Variants in RABL6 observed in about 807,000 individuals in gnomAD.
RABL6 encodes the protein RAB, member RAS oncogene family like 6, also known as rab-like protein 6.
RABL6 carries 28 observed loss-of-function variants against 72.9 expected under a neutral mutation model. The observed-to-expected ratio is 0.38, with a 90% CI of 0.28 to 0.53. RABL6 has a LOEUF of 0.53. Ranked by LOEUF, RABL6 falls within the 20% of genes least tolerant of loss-of-function variation. RABL6 has a pLI of 0.80. For synonymous variants in RABL6, 477 were observed against 421.2 expected (o/e 1.13, Z -1.62); for missense variants, 1,029 against 1,008.4 (o/e 1.02, Z -0.28).
Position 136,808,275 on chromosome 9 carries a change from T to A in RABL6, c.79T>A (p.Ser27Thr), listed in dbSNP as rs762677097. ...CAAGAACATCCCCGCCGGGCTGCAG[T>A]CCATGAACCAGGCGTTGCAGAGGCG... ...RDKNIPAGLQ[S>T]MNQALQRRFA... The change falls in exon 1 of 15, where the codon TCC becomes ACC. Residue 27 changes from serine to threonine, a missense_variant. Coordinates refer to ENST00000311502, the MANE Select transcript of RABL6 (RefSeq NM_024718.5). The A allele has an allele frequency of 1.3e-6, 2 of 1,563,630 alleles. No homozygotes were observed.
At chr9:136,836,138 C>T (rs566998242) in intron 8 of RABL6, 12 of 335,720 alleles carry the variant, frequency 3.6e-5, no homozygotes, top group Admixed American at 2.3e-4. Flanking sequence ...GGGCTGCCTG[C>T]CCATCAGGGG....
chr9:136,809,569 ATT>A (rs1293933549), intron 1 of RABL6: 2 of 171,938 alleles, frequency 1.2e-5, no homozygotes, highest in Non-Finnish European at 2.5e-5. Flanking sequence ...GAGGTCAGGA[ATT>A]CGAGACCAGC....
Position 136,807,962 on chromosome 9 carries a change from A to G in RABL6, c.-235A>G, listed in dbSNP as rs549860502. On this transcript the variant is annotated 5_prime_UTR_variant, in exon 1 of 15. Transcript: ENST00000311502. ...AGCCGGCGCCAAGATGGCGGCGCTG[A>G]CTCCTGGAGAGCGGTCGCGCCGGAG... 2.6e-3 allele frequency: 2,652 copies of G among 1,000,944 alleles called. 2 individuals are homozygous for G. The highest frequency in any genetic ancestry group is 3.0e-3 in the Non-Finnish European group (2,538 of 841,912). The allele number at this position is 1,000,944 out of a possible 1,614,324, so 62.0% of individuals were successfully genotyped here.
chr9:136,829,312 T>G, intron 4 of RABL6, 81 bp from the exon 5 acceptor site: 1 of 1,033,406 alleles, frequency 9.7e-7, no homozygotes, highest in Non-Finnish European at 1.5e-6. Context: ...TAGAAGACTA[T>G]CCAGCCTTTT....
At chr9:136,832,239 G>C (rs1453143946) in intron 6 of RABL6, 26 bp from the exon 7 acceptor site, 3 of 1,597,764 alleles carry the variant, frequency 1.9e-6, no homozygotes. Flanking sequence ...TCTTTCTCTT[G>C]CATCTTTTTT....
chr9:136,840,724 A>C lies in RABL6; in HGVS notation c.*202A>C. The C allele has an allele frequency of 6.5e-7, 1 of 1,548,534 alleles. No individual in the cohort carries two copies. The highest frequency in any genetic ancestry group is 8.7e-7 in the Non-Finnish European group (1 of 1,146,792). ...CAGGCCCAGTGTGAGCCTGCTCTGC[A>C]AGAAGGGAGGGGACAGCTGGCTTCA... On this transcript the variant is annotated 3_prime_UTR_variant, in exon 15 of 15. Coordinates refer to ENST00000311502, the MANE Select transcript of RABL6 (RefSeq NM_024718.5).
At chr9:136,840,066 G>A in intron 13 of RABL6, 88 bp from the exon 14 acceptor site, 2 of 1,583,180 alleles carry the variant, frequency 1.3e-6, no homozygotes, top group Non-Finnish European at 1.7e-6. Context: ...GGGGCTCGCT[G>A]CTTTGTGAGT....
In RABL6 at chr9:136,841,165, T is replaced by C. The variant is rs1848691388; in HGVS notation, c.*643T>C. 1 of 745,104 alleles carries C rather than the reference T, an allele frequency of 1.3e-6. No individual in the cohort carries two copies. The highest frequency in any genetic ancestry group is 2.0e-6 in the Non-Finnish European group (1 of 512,126). The allele number at this position is 745,104 out of a possible 1,614,324, so 46.2% of individuals were successfully genotyped here. A position where few individuals can be genotyped will look rare whatever the true frequency, so the allele number is the denominator to read the frequency against. The stretch of plus-strand genomic sequence containing the variant: ...CCTCCCAAACACTCCACTCAGACCA[T>C]AAAGCACTCCTGTTTCACTCTGCGT... On this transcript the variant is annotated 3_prime_UTR_variant, in exon 15 of 15. Coordinates refer to ENST00000311502, the MANE Select transcript of RABL6 (RefSeq NM_024718.5).
intron 1 of RABL6, among the ~76,000 whole-genome samples, chr9:136,820,122 C>T (rs1848206989): frequency 6.7e-6 from 1 of 149,054 alleles, no homozygotes; most frequent in Admixed American, 6.8e-5. Context: ...TCACTGGAAT[C>T]CAGTAGGTGG....
At chr9:136,832,176 G>A (rs1353263942) in intron 6 of RABL6, 89 bp from the exon 7 acceptor site, 3 of 1,232,548 alleles carry the variant, frequency 2.4e-6, no homozygotes, top group African/African-American at 1.5e-5. Flanking sequence ...AGGGAGGGCA[G>A]TGCGGACCCA....
At chr9:136,840,264 T>C in intron 14 of RABL6, 52 bp downstream of exon 14, 1 of 1,612,260 alleles carries the variant, frequency 6.2e-7, no homozygotes, top group Non-Finnish European at 8.5e-7. Context: ...CATGCGGTCC[T>C]GGGACCAGGG....
intron 7 of RABL6, chr9:136,834,497 T>A (rs1848547551): frequency 1.0e-6 from 1 of 966,068 alleles, no homozygotes; most frequent in Non-Finnish European, 1.2e-6. Flanking sequence ...ACTCTTTTTT[T>A]TGGAGACGGA....
At chr9:136,840,062 C>A (rs45476400) in intron 13 of RABL6, 92 bp from the exon 14 acceptor site, 1 of 1,570,820 alleles carries the variant, frequency 6.4e-7, no homozygotes, top group Non-Finnish European at 8.7e-7. Context: ...GGCTGGGGCT[C>A]GCTGCTTTGT....
At position 136,838,983 on chromosome 9, in the gene RABL6, G is replaced by A. The variant is rs777429591; in HGVS notation, c.1355G>A (p.Arg452His). ...GATGTGGACCTCGAAGACCAGCCAC[G>A]TGGGAGTCCCCCGCTGCCTGCAGGC... ...QDDVDLEDQP[R>H]GSPPLPAGPV... The change falls in exon 11 of 15, where the codon CGT becomes CAT. Residue 452 changes from arginine (R) to histidine (H), a missense_variant. Physicochemically the swap from Arg to His is conservative, Grantham distance 29. Transcript: ENST00000311502. 1.4e-5 allele frequency: 22 copies of A among 1,611,724 alleles called. No individual in the cohort carries two copies. Among genetic ancestry groups the A allele is most frequent in the African/African-American group, 1.3e-4 (10 of 74,924 alleles).
intron 1 of RABL6, among the ~76,000 whole-genome samples, chr9:136,819,385 TG>T (rs1004008912): frequency 1.3e-5 from 2 of 148,660 alleles, no homozygotes; most frequent in Admixed American, 6.7e-5. Flanking sequence ...CATAGAAGGC[TG>T]GGGGAGGGGC....
At chr9:136,833,944 C>G (rs1588369034) in intron 7 of RABL6, 5 of 1,547,422 alleles carry the variant, frequency 3.2e-6, no homozygotes. Flanking sequence ...CACTGCTCAG[C>G]TGCTCCATTC....
At chr9:136,825,747 G>A in intron 2 of RABL6, 32 bp from the exon 3 acceptor site, 2 of 1,609,276 alleles carry the variant, frequency 1.2e-6, no homozygotes, top group South Asian at 1.1e-5. Context: ...ACTTCATGTT[G>A]GGCACTAATT....
intron 1 of RABL6, chr9:136,821,543 G>C: frequency 1.0e-6 from 1 of 985,382 alleles, no homozygotes; most frequent in Non-Finnish European, 1.2e-6. Flanking sequence ...CTGCGAGCCC[G>C]GGCTGCTGCT....
Position 136,839,441 on chromosome 9 carries a change from T to C in RABL6, c.1713T>C (p.Asp571=), listed in dbSNP as rs1389523366. ...IAAQMLSFVM[D]DPDFESEGSD... is the part of the protein sequence containing the mutation. ...CACAAATGCTGTCCTTCGTCATGGATGACCCCGACTTTGAGAGCGAGGGAT... is the reference window on the plus strand; with the variant it reads ...CACAAATGCTGTCCTTCGTCATGGACGACCCCGACTTTGAGAGCGAGGGAT... The change falls in exon 12 of 15, where the codon GAT becomes GAC. Residue 571 remains aspartate (D), a synonymous_variant. Coordinates refer to ENST00000311502, the MANE Select transcript of RABL6 (RefSeq NM_024718.5). The C allele has an allele frequency of 6.2e-7, 1 of 1,612,490 alleles. No individual in the cohort carries two copies. The highest frequency in any genetic ancestry group is 8.5e-7 in the Non-Finnish European group (1 of 1,179,756).
Sources: gnomAD v4.1 joint callset for allele counts (sites outside exome capture counted in the v4.1 genomes callset) on GRCh38, gnomAD v4.1.1 for gene constraint, MANE v1.5 for transcripts, NCBI Gene and HGNC (gene_info 2026-07-23, HGNC 2026-07-21) for gene names.